Variants in STX3 observed in about 807,000 individuals in gnomAD.
The protein encoded by STX3 is syntaxin 3, also known as syntaxin-3.
In STX3, 19 loss-of-function variants were observed where a neutral mutation model predicts 40.2. The observed-to-expected ratio is 0.47, with a 90% CI of 0.33 to 0.69. The LOEUF is 0.69. Among genes scored for constraint, STX3 ranks in the 30% least tolerant of loss-of-function variants. STX3 has a pLI of 0.02. For synonymous variants in STX3, 122 were observed against 132.2 expected (o/e 0.92, Z 0.53); for missense variants, 364 against 366.7 (o/e 0.99, Z 0.06).
rs373800314 is a variant in STX3 at position 59,759,226 on chromosome 11, A to G, written c.30+3591A>G. Among the ~76,000 whole-genome samples the G allele has an allele frequency of 2.6e-4, 39 of 152,298 alleles. No individual in the cohort carries two copies. In the South Asian group the frequency reaches 3.9e-3, roughly 15 times the overall value. ...CAGAGTGGGTTTTTCTATTATTCTC[A>G]TTCTGCAAGTGAGTGAATTGAGGCT... is the stretch of plus-strand genomic sequence containing the variant. On this transcript the variant is annotated intron_variant, in intron 1 of 10. Transcript: ENST00000337979.
chr11:59,798,953 G>A (rs1565194177), intron 10 of STX3, among the ~76,000 whole-genome samples: 2 of 152,270 alleles, frequency 1.3e-5, no homozygotes, highest in East Asian at 3.9e-4. Flanking sequence ...GCAGTGGTGC[G>A]ATCTTAGCTC....
chr11:59,770,619 T>C (rs1050835007), intron 1 of STX3, among the ~76,000 whole-genome samples: 1 of 152,072 alleles, frequency 6.6e-6, no homozygotes. Flanking sequence ...GAACATTTTG[T>C]CTCAAACTTT....
In STX3 at chr11:59,805,299, GATT is replaced by G. The variant is rs1387738824; in HGVS notation, c.*4479_*4481del. ...CTATGTGAATGTGAGTTCTAGTGCA[GATT>G]ATTTAGTGATTATGTAACTAAAATT... On this transcript the variant is annotated 3_prime_UTR_variant, in exon 11 of 11. Transcript: ENST00000337979. The G allele has an allele frequency of 1.3e-5, 2 of 151,874 alleles. No homozygotes were observed. Among genetic ancestry groups the G allele is most frequent in the East Asian group, 1.9e-4 (1 of 5,192 alleles). The allele number at this position is 151,874 out of a possible 1,614,324, so 9.4% of individuals were successfully genotyped here.
chr11:59,778,301 A>G (rs1035223040), intron 2 of STX3, among the ~76,000 whole-genome samples: 4 of 152,178 alleles, frequency 2.6e-5, no homozygotes, highest in African/African-American at 9.7e-5. Context: ...CAGCTAGAAA[A>G]GTCCAAAGGT....
chr11:59,780,151 G>C (rs1372717016), intron 2 of STX3, among the ~76,000 whole-genome samples: 3 of 152,154 alleles, frequency 2.0e-5, no homozygotes, highest in Non-Finnish European at 4.4e-5. Context: ...TGGTATATTT[G>C]ACTAAGGAGA....
chr11:59,766,286 G>A (rs190781935), intron 1 of STX3, among the ~76,000 whole-genome samples: 20 of 152,166 alleles, frequency 1.3e-4, no homozygotes, highest in Non-Finnish European at 2.1e-4. Context: ...TTAAACTTAC[G>A]TTGCAGATGT....
At chr11:59,797,637 T>C (rs1360286306) in intron 10 of STX3, among the ~76,000 whole-genome samples, 1 of 152,328 alleles carries the variant, frequency 6.6e-6, no homozygotes, top group African/African-American at 2.4e-5. Flanking sequence ...ATCTCTGTCT[T>C]GTCGTATTAC....
rs1865966327 is a variant in STX3 at position 59,803,276 on chromosome 11, T to C, written c.*2452T>C. 2.4e-6 allele frequency: 3 copies of C among 1,231,568 alleles called. No homozygotes were observed. The highest frequency in any genetic ancestry group is 3.2e-5 in the East Asian group (1 of 31,726). 76.3% of individuals were successfully genotyped at this position (1,231,568 alleles called of 1,614,324 possible). A position where few individuals can be genotyped will look rare whatever the true frequency, so the allele number is the denominator to read the frequency against. ...CTTGCGATCATCTTAGCTTCCACCA[T>C]TGGGAGCATATTTGCCTGAAAAAGG... On this transcript the variant is annotated 3_prime_UTR_variant, in exon 11 of 11. Transcript: ENST00000337979.
chr11:59,771,403 TC>T (rs1367914976), intron 1 of STX3, among the ~76,000 whole-genome samples: 60 of 34,612 alleles, frequency 1.7e-3, no homozygotes, highest in East Asian at 9.0e-3. Context: ...TCCCCCCACC[TC>T]CCCCCCCCCG....
At chr11:59,768,662 G>A (rs1182973551) in intron 1 of STX3, among the ~76,000 whole-genome samples, 1 of 152,078 alleles carries the variant, frequency 6.6e-6, no homozygotes, top group Non-Finnish European at 1.5e-5. Flanking sequence ...GCATAAATAC[G>A]GTCAGCTTCC....
intron 3 of STX3, 44 bp downstream of exon 3, chr11:59,787,180 C>T (rs892883117): frequency 6.4e-7 from 1 of 1,567,240 alleles, no homozygotes; most frequent in Non-Finnish European, 8.8e-7. Context: ...ATCACCCTTT[C>T]CTTGGAGCTG....
chr11:59,755,626 G>A lies in STX3; in HGVS notation c.21G>A (p.Gln7=). ...TCAGGATGAAGGACCGTCTGGAGCAGCTGAAGGCCGTGAGTTTCGCCGCAG... is the reference window on the plus strand; with the variant it reads ...TCAGGATGAAGGACCGTCTGGAGCAACTGAAGGCCGTGAGTTTCGCCGCAG... MKDRLE[Q]LKAKQLTQDD... Residue 7 remains glutamine, a synonymous_variant, in exon 1 of 11, where the codon CAG becomes CAA. Transcript: ENST00000337979. 4 of 1,594,396 alleles carry A rather than the reference G, an allele frequency of 2.5e-6. No individual in the cohort carries two copies. The highest frequency in any genetic ancestry group is 3.4e-6 in the Non-Finnish European group (4 of 1,176,280).
chr11:59,787,603 C>A (rs1447364807), intron 3 of STX3, among the ~76,000 whole-genome samples: 3 of 152,192 alleles, frequency 2.0e-5, no homozygotes, highest in Admixed American at 6.5e-5. Context: ...TTTGTTACCA[C>A]CACCTAGGCA....
intron 1 of STX3, among the ~76,000 whole-genome samples, chr11:59,766,563 C>G (rs1183249627): frequency 6.6e-6 from 1 of 152,186 alleles, no homozygotes; most frequent in African/African-American, 2.4e-5. Flanking sequence ...TGTGAAGTTT[C>G]CTGGGTTTCC....
intron 4 of STX3, 146 bp from the exon 5 acceptor site, chr11:59,790,373 A>G (rs376522362): frequency 3.1e-6 from 2 of 655,264 alleles, no homozygotes; most frequent in South Asian, 3.5e-5. Context: ...CCTGTGGCTC[A>G]TCTGGGAGCT....
intron 1 of STX3, among the ~76,000 whole-genome samples, chr11:59,758,817 T>G (rs969808223): frequency 6.6e-6 from 1 of 152,198 alleles, no homozygotes; most frequent in Non-Finnish European, 1.5e-5. Context: ...CTGTTTTCAT[T>G]CAGCAAACAT....
At chr11:59,797,515 T>G in intron 10 of STX3, 119 bp downstream of exon 10, 1 of 717,678 alleles carries the variant, frequency 1.4e-6, no homozygotes, top group Non-Finnish European at 2.3e-6. Context: ...CTGAGCTTTC[T>G]AAAACTTTCA....
intron 1 of STX3, among the ~76,000 whole-genome samples, chr11:59,763,715 A>C (rs1272963072): frequency 1.3e-5 from 2 of 152,212 alleles, no homozygotes; most frequent in Non-Finnish European, 1.5e-5. Context: ...GAAATGACAA[A>C]CTATTTAGAA....
At chr11:59,783,011 T>A (rs1864505196) in intron 2 of STX3, among the ~76,000 whole-genome samples, 1 of 149,754 alleles carries the variant, frequency 6.7e-6, no homozygotes, top group South Asian at 2.1e-4. Context: ...AAAAAAAAAA[T>A]TAATAAACAA....
Sources: gnomAD v4.1 joint callset for allele counts (sites outside exome capture counted in the v4.1 genomes callset) on GRCh38, gnomAD v4.1.1 for gene constraint, MANE v1.5 for transcripts, NCBI Gene and HGNC (gene_info 2026-07-23, HGNC 2026-07-21) for gene names.